The following SNX25 variants were observed in gnomAD, a reference collection of about 807,000 sequenced individuals.
SNX25 encodes the protein sorting nexin-25.
Under a neutral mutation model 113.7 loss-of-function variants are expected in SNX25, and 62 were observed. The ratio of observed to expected loss-of-function variants is 0.55; its 90% CI spans 0.44 to 0.67. The LOEUF (loss-of-function observed/expected upper bound fraction) is 0.67. Among genes scored for constraint, SNX25 ranks in the 30% least tolerant of loss-of-function variants. The pLI is 0.00. For synonymous variants in SNX25, 421 were observed against 436.2 expected, an observed-to-expected ratio of 0.97 and a Z score of 0.43; for missense variants, 1,014 against 1,161.0, an observed-to-expected ratio of 0.87 and a Z score of 1.84.
downstream of SNX25, chr4:185,366,972 G>C: frequency 2.0e-6 from 1 of 508,316 alleles, no homozygotes; most frequent in Non-Finnish European, 3.5e-6. Context: ...GGACCTCTGA[G>C]GACTCTTCCA....
the SNX25 span, chr4:185,375,516 G>GTGTATATATATATATATATATATATGTA: frequency 8.6e-5 from 4 of 46,680 alleles, no homozygotes; most frequent in African/African-American, 3.5e-4. Context: ...ATATATATAT[G>GTGTATATATATATATATATATATATGTA]TATATATATA....
At chr4:185,278,484 A>G (rs971505309) in intron 5 of SNX25, among the ~76,000 whole-genome samples, 1 of 119,934 alleles carries the variant, frequency 8.3e-6, no homozygotes, top group African/African-American at 3.3e-5. Context: ...TGATAATTAA[A>G]TGAAATGACG....
chr4:185,350,856 C>T lies in SNX25; in HGVS notation c.2302-589C>T, dbSNP rs114905534. On this transcript the variant is annotated intron_variant, in intron 13 of 18. Coordinates refer to ENST00000652585, the MANE Select transcript of SNX25 (RefSeq NM_001378034.2). ...CATCCTGGATGACCGAGTGAGACTC[C>T]GTCTCAAAAAAAAAGAAAAGAAAAG... Among the ~76,000 whole-genome samples, 658 of 151,952 alleles carry T rather than the reference C, an allele frequency of 4.3e-3. 2 individuals carry two copies. Among genetic ancestry groups the T allele is most frequent in the African/African-American group, 0.014 (570 of 41,478 alleles).
chr4:185,223,365 G>T (rs1374391166), intron 1 of SNX25, among the ~76,000 whole-genome samples: 1 of 152,164 alleles, frequency 6.6e-6, no homozygotes, highest in Non-Finnish European at 1.5e-5. Context: ...CTGTAGTCTG[G>T]ATTTTGCTGA....
intron 1 of SNX25, among the ~76,000 whole-genome samples, chr4:185,231,542 TCTA>T (rs1741865820): frequency 6.6e-6 from 1 of 151,772 alleles, no homozygotes; most frequent in Non-Finnish European, 1.5e-5. Flanking sequence ...AAACCCCGTC[TCTA>T]CTAAAAATAC....
intron 6 of SNX25, among the ~76,000 whole-genome samples, chr4:185,296,548 A>G (rs555143412): frequency 6.6e-6 from 1 of 152,232 alleles, no homozygotes; most frequent in African/African-American, 2.4e-5. Flanking sequence ...GAAATTAAGT[A>G]TGATTTTAAA....
At chr4:185,291,607 G>A (rs1752178188) in intron 6 of SNX25, among the ~76,000 whole-genome samples, 1 of 152,230 alleles carries the variant, frequency 6.6e-6, no homozygotes. Flanking sequence ...CGCTGCTTCT[G>A]AATGCGCTGG....
intron 1 of SNX25, among the ~76,000 whole-genome samples, chr4:185,235,007 T>G (rs1308280917): frequency 3.3e-5 from 5 of 152,232 alleles, no homozygotes; most frequent in African/African-American, 1.2e-4. Context: ...ATAAGGGGAT[T>G]ATGCCCCAGC....
intron 6 of SNX25, among the ~76,000 whole-genome samples, chr4:185,295,500 A>G (rs972612977): frequency 6.6e-6 from 1 of 150,638 alleles, no homozygotes; most frequent in African/African-American, 2.4e-5. Flanking sequence ...CCCACGCTGA[A>G]GTGCAGTGGT....
chr4:185,266,707 C>A (rs1748139960), intron 4 of SNX25, among the ~76,000 whole-genome samples: 1 of 152,092 alleles, frequency 6.6e-6, no homozygotes, highest in Non-Finnish European at 1.5e-5. Flanking sequence ...AAATGACTTC[C>A]CTTCATGATT....
chr4:185,260,815 A>G (rs1747195393), intron 3 of SNX25, among the ~76,000 whole-genome samples: 1 of 152,160 alleles, frequency 6.6e-6, no homozygotes. Flanking sequence ...ACTGCTGCCT[A>G]TAGAGAAAGT....
At chr4:185,373,505 A>G (rs28464581), downstream of SNX25, among the ~76,000 whole-genome samples, 744 of 152,306 alleles carry the variant, frequency 4.9e-3, 3 homozygotes, top group African/African-American at 0.017. Context: ...GATCAAAGAC[A>G]ACCCAGGATA....
At chr4:185,281,213 T>C (rs919637334) in intron 5 of SNX25, among the ~76,000 whole-genome samples, 2 of 152,090 alleles carry the variant, frequency 1.3e-5, no homozygotes, top group Admixed American at 1.3e-4. Flanking sequence ...ATAAGGCTGC[T>C]TCAAATTTAT....
rs1056788346 is a variant in SNX25, at chr4:185,310,675, C to T, written c.1203C>T (p.Ala401=). The part of the protein sequence containing the change: ...TAAMKADLLR[A]RNMKRYINQL... Reference sequence around the variant, plus strand: ...CAATGAAAGCTGATCTCCTGAGGGCCAGGAACATGAAGAGGTACATCAACC... The same window carrying T: ...CAATGAAAGCTGATCTCCTGAGGGCTAGGAACATGAAGAGGTACATCAACC... Residue 401 remains alanine, a synonymous_variant, in exon 7 of 19, where the codon GCC becomes GCT. Coordinates refer to ENST00000652585, the MANE Select transcript of SNX25 (RefSeq NM_001378034.2). 1.9e-6 allele frequency: 3 copies of T among 1,613,696 alleles called. No individual in the cohort carries two copies. The highest frequency in any genetic ancestry group is 2.5e-6 in the Non-Finnish European group (3 of 1,179,868).
Position 185,330,256 on chromosome 4 carries a change from A to T in SNX25, c.1750-2339A>T, listed in dbSNP as rs181812495. ...AATGTCTCTGGTCAGAGGGGAGGTT[A>T]TCTTGGGGCTGACATCTCCCTGGCT... is the stretch of plus-strand genomic sequence containing the variant. On this transcript the variant is annotated intron_variant, in intron 9 of 18. Transcript: ENST00000652585. 6.8e-3 allele frequency among the ~76,000 whole-genome samples: 1,032 copies of T among 152,220 alleles called. 11 individuals carry two copies. Among genetic ancestry groups the T allele is most frequent in the Non-Finnish European group, 0.012 (801 of 68,004 alleles).
upstream of SNX25, among the ~76,000 whole-genome samples, chr4:185,209,106 G>T (rs555761739): frequency 6.6e-6 from 1 of 152,330 alleles, no homozygotes; most frequent in Admixed American, 6.5e-5. The surrounding 1 kb of genome is among the most constrained non-coding windows in gnomAD (Gnocchi z 5.2). Flanking sequence ...CCATAGCTAG[G>T]AATTGCAGGC....
intron 1 of SNX25, among the ~76,000 whole-genome samples, chr4:185,228,953 T>G (rs1741413050): frequency 6.6e-6 from 1 of 152,202 alleles, no homozygotes; most frequent in Admixed American, 6.5e-5. Flanking sequence ...GGTGCCAGGC[T>G]TTCTTTGACA....
chr4:185,244,927 C>T (rs1432814593), intron 1 of SNX25, among the ~76,000 whole-genome samples: 1 of 151,948 alleles, frequency 6.6e-6, no homozygotes, highest in Non-Finnish European at 1.5e-5. Context: ...ATCATAGATA[C>T]CATGAGACTA....
At chr4:185,333,678 G>A (rs1356875926) in intron 10 of SNX25, among the ~76,000 whole-genome samples, 3 of 152,156 alleles carry the variant, frequency 2.0e-5, no homozygotes, top group African/African-American at 7.2e-5. Context: ...TCCTGCAAAG[G>A]TGTGTTGTCT....
Sources: gnomAD v4.1 joint callset for allele counts (sites outside exome capture counted in the v4.1 genomes callset) on GRCh38, gnomAD v4.1.1 for gene constraint, Gnocchi (gnomAD v3.1) non-coding constraint, MANE v1.5 for transcripts, NCBI Gene and HGNC (gene_info 2026-07-23, HGNC 2026-07-21) for gene names.